Variants in PTGER3 observed in about 807,000 individuals in gnomAD.
PTGER3 encodes the protein prostaglandin E receptor 3.
PTGER3 carries 22 observed loss-of-function variants against 34.7 expected under a neutral mutation model. That is an observed-to-expected ratio of 0.63 (90% CI 0.45 to 0.91). The LOEUF (loss-of-function observed/expected upper bound fraction) is 0.91, where lower values mean the gene tolerates loss of function less well. Among genes scored for constraint, PTGER3 ranks in the 40% least tolerant of loss-of-function variants. The probability of loss-of-function intolerance (pLI) is 0.00; values close to 1 mark genes in which losing one functional copy is unlikely to be tolerated. For synonymous variants in PTGER3, 241 were observed against 230.1 expected, an observed-to-expected ratio of 1.05 and a Z score of -0.43; for missense variants, 468 against 519.4, an observed-to-expected ratio of 0.90 and a Z score of 0.96.
intron 4 of PTGER3, among the ~76,000 whole-genome samples, chr1:70,873,866 G>T (rs1421831208): frequency 6.6e-6 from 1 of 151,930 alleles, no homozygotes; most frequent in Non-Finnish European, 1.5e-5. Context: ...CCAGGAGGGG[G>T]TTTTGGTGCT....
At chr1:70,856,995 C>G (rs942032469) in intron 4 of PTGER3, among the ~76,000 whole-genome samples, 1 of 152,188 alleles carries the variant, frequency 6.6e-6, no homozygotes, top group Non-Finnish European at 1.5e-5. Context: ...AGTCTCTGTA[C>G]CTATCTTCCC....
Position 70,902,249 on chromosome 1 carries a change from A to T in PTGER3, c.*24-49390T>A, listed in dbSNP as rs35121043. The stretch of plus-strand genomic sequence containing the variant: ...TTTACACCACTGAAAAGGCAATAAG[A>T]CTCTACAGCTTTTATTTCAGCTGCC... On this transcript the variant is annotated intron_variant, in intron 4 of 4. Transcript: ENST00000370931. Among the ~76,000 whole-genome samples, 33 of 152,240 alleles carry T rather than the reference A, an allele frequency of 2.2e-4. No homozygotes were observed. The East Asian group carries it at 6.2e-3, about 29-fold the overall frequency.
rs558661614 is a variant in PTGER3 at position 70,869,417 on chromosome 1, C to T, written c.*24-16558G>A. The T allele has an allele frequency of 2.9e-5, 11 of 374,296 alleles. No individual in the cohort carries two copies. In the East Asian group the frequency reaches 4.7e-4, roughly 16 times the overall value. The allele number at this position is 374,296 out of a possible 1,614,324, so 23.2% of individuals were successfully genotyped here. A position where few individuals can be genotyped will look rare whatever the true frequency, so the allele number is the denominator to read the frequency against. On this transcript the variant is annotated intron_variant, in intron 4 of 4. Transcript: ENST00000370931. Reference sequence around the variant, plus strand: ...CTTCTCCACCCCTAAATCTCACATCCTTCTCATGCTGCGAAATACAGTCAT... The same window carrying T: ...CTTCTCCACCCCTAAATCTCACATCTTTCTCATGCTGCGAAATACAGTCAT...
At chr1:71,032,901 A>T (rs1350010581) in intron 1 of PTGER3, among the ~76,000 whole-genome samples, 1 of 152,174 alleles carries the variant, frequency 6.6e-6, no homozygotes, top group African/African-American at 2.4e-5. Flanking sequence ...AATGACAACA[A>T]AAAGTTTCTT....
intron 4 of PTGER3, among the ~76,000 whole-genome samples, chr1:70,936,033 A>G (rs1649193932): frequency 6.6e-6 from 1 of 152,206 alleles, no homozygotes; most frequent in East Asian, 1.9e-4. Flanking sequence ...AGTTTCTAGA[A>G]GTATGAAAAA....
chr1:70,978,722 T>C (rs568016319), intron 2 of PTGER3, among the ~76,000 whole-genome samples: 8 of 152,128 alleles, frequency 5.3e-5, no homozygotes, highest in Non-Finnish European at 1.0e-4. Context: ...TTGTTAGAAT[T>C]TGCAGGGTAT....
At chr1:71,032,823 A>G (rs1378307523) in intron 1 of PTGER3, among the ~76,000 whole-genome samples, 1 of 152,214 alleles carries the variant, frequency 6.6e-6, no homozygotes, top group Non-Finnish European at 1.5e-5. Flanking sequence ...GGGAGTATTA[A>G]TTTGAGAACT....
At chr1:70,919,017 A>G (rs1339608234) in intron 4 of PTGER3, among the ~76,000 whole-genome samples, 1 of 152,130 alleles carries the variant, frequency 6.6e-6, no homozygotes, top group Non-Finnish European at 1.5e-5. Flanking sequence ...TAAGAAGTAG[A>G]GCCATGAATG....
chr1:71,011,635 C>T, intron 2 of PTGER3: 1 of 982,368 alleles, frequency 1.0e-6, no homozygotes, highest in Non-Finnish European at 1.2e-6. Context: ...ATTATCAATC[C>T]AAGTAAACTT....
chr1:71,007,482 C>T (rs1657073274), intron 2 of PTGER3: 1 of 985,218 alleles, frequency 1.0e-6, no homozygotes, highest in Non-Finnish European at 1.2e-6. Context: ...TACTGATGCT[C>T]AAGTGTTCAA....
intron 4 of PTGER3, among the ~76,000 whole-genome samples, chr1:70,871,873 T>C (rs1159844794): frequency 6.6e-6 from 1 of 152,206 alleles, no homozygotes; most frequent in Non-Finnish European, 1.5e-5. Context: ...TTCAAGGTGC[T>C]ATTTTAGCTT....
rs568854602 is a variant in PTGER3, at chr1:70,857,597, A to G, written c.*24-4738T>C. 2.5e-4 allele frequency among the ~76,000 whole-genome samples: 38 copies of G among 152,088 alleles called. No homozygotes were observed. In the East Asian group the frequency reaches 6.4e-3, roughly 26 times the overall value. On this transcript the variant is annotated intron_variant, in intron 4 of 4. Transcript: ENST00000370931. ...GTCGCCCAGGCTGGAGTGCAGTGGC[A>G]TGATCTCGGCTCCCTGCAAGCTCCG... is the stretch of plus-strand genomic sequence containing the variant.
At chr1:70,876,345 G>A (rs959896337) in intron 4 of PTGER3, among the ~76,000 whole-genome samples, 3 of 147,778 alleles carry the variant, frequency 2.0e-5, no homozygotes, top group African/African-American at 7.5e-5. Context: ...TTAGACCTTT[G>A]TTAGATGTGT....
chr1:70,999,715 C>T (rs2744912), intron 2 of PTGER3, among the ~76,000 whole-genome samples: 2,400 of 151,960 alleles, frequency 0.016, 80 homozygotes, highest in African/African-American at 0.056. Context: ...TCCGAGAGGA[C>T]GGGTAAAAGG....
intron 4 of PTGER3, among the ~76,000 whole-genome samples, chr1:70,867,627 A>T (rs1215229043): frequency 6.6e-6 from 1 of 151,990 alleles, no homozygotes; most frequent in Non-Finnish European, 1.5e-5. Flanking sequence ...TGGGAGGGTG[A>T]GGTGGGAGAA....
intron 2 of PTGER3, among the ~76,000 whole-genome samples, chr1:70,999,629 T>A (rs1461997604): frequency 6.6e-6 from 1 of 152,144 alleles, no homozygotes; most frequent in Non-Finnish European, 1.5e-5. Context: ...TTTTCTACAG[T>A]CTCTTAGGAG....
chr1:70,860,053 G>C (rs1412187088), intron 4 of PTGER3, among the ~76,000 whole-genome samples: 6 of 151,972 alleles, frequency 3.9e-5, no homozygotes, highest in Non-Finnish European at 7.4e-5. Context: ...GAGTGGGTGG[G>C]GGGGAGTGGG....
intron 4 of PTGER3, among the ~76,000 whole-genome samples, chr1:70,854,771 A>G (rs1645764046): frequency 6.6e-6 from 1 of 152,194 alleles, no homozygotes; most frequent in South Asian, 2.1e-4. Flanking sequence ...GTAGTTCTTT[A>G]TAGCAGTGTG....
intron 2 of PTGER3, chr1:71,010,869 A>G: frequency 1.0e-6 from 1 of 985,062 alleles, no homozygotes; most frequent in Non-Finnish European, 1.2e-6. Context: ...GTACCTATCA[A>G]AATTAATTCT....
Sources: allele counts gnomAD v4.1 joint callset (sites outside exome capture counted in the v4.1 genomes callset), GRCh38; gene constraint gnomAD v4.1.1; transcripts MANE v1.5; gene names NCBI Gene and HGNC (gene_info 2026-07-23, HGNC 2026-07-21).